The following SPACA9 variants were observed in gnomAD, a reference collection of about 807,000 sequenced individuals.
SPACA9 encodes the protein sperm acrosome associated 9.
A neutral mutation model predicts 12.5 loss-of-function variants in SPACA9; 14 were observed. That is an observed-to-expected ratio of 1.12 (90% CI 0.74 to 1.75). The LOEUF (loss-of-function observed/expected upper bound fraction) is 1.75. Ranked by LOEUF, SPACA9 falls within the 40% of genes most tolerant of loss-of-function variation. SPACA9 has a pLI of 0.00. For missense variants in SPACA9, 292 were observed against 291.9 expected, an observed-to-expected ratio of 1.00 and a Z score of 0.00; for synonymous variants, 111 against 114.1, an observed-to-expected ratio of 0.97 and a Z score of 0.17.
chr9:132,885,813 C>T (rs1844549079), intron 2 of SPACA9, among the ~76,000 whole-genome samples: 1 of 152,196 alleles, frequency 6.6e-6, no homozygotes, highest in South Asian at 2.1e-4. Context: ...TTAGGTTCAG[C>T]CGAAGGCTCT....
chr9:132,885,826 G>A (rs1009788785), intron 2 of SPACA9, among the ~76,000 whole-genome samples: 2 of 152,186 alleles, frequency 1.3e-5, no homozygotes, highest in African/African-American at 2.4e-5. Flanking sequence ...AAGGCTCTTG[G>A]TAAACAGTGG....
Position 132,889,911 on chromosome 9 carries a change from G to A in SPACA9, c.*1300G>A. On this transcript the variant is annotated 3_prime_UTR_variant, in exon 4 of 4. Coordinates refer to ENST00000356311, the MANE Select transcript of SPACA9 (RefSeq NM_001316897.2). ...ATTGTAAAATGTGTCCCTGGCTTCT[G>A]AGCTTGCCCAAAGTAATGTCTGACT... 3 of 1,455,522 alleles carry A rather than the reference G, an allele frequency of 2.1e-6. No individual in the cohort carries two copies. The highest frequency in any genetic ancestry group is 1.8e-6 in the Non-Finnish European group (2 of 1,093,902). 90.2% of individuals were successfully genotyped at this position (1,455,522 alleles called of 1,614,324 possible).
rs1844611037 is a variant in SPACA9 at position 132,887,781 on chromosome 9, C to T, written c.347+210C>T. On this transcript the variant is annotated intron_variant, in intron 3 of 3. Coordinates refer to ENST00000356311, the MANE Select transcript of SPACA9 (RefSeq NM_001316897.2). This position sits in a 1 kb window ranked among gnomAD's most constrained non-coding sequence, Gnocchi z 5.4. ...AGACATGGCAGGACACCAGGTGTCT[C>T]ACGGGTGTTAGCACCAGGCAGGTGG... is the stretch of plus-strand genomic sequence containing the variant. Among the ~76,000 whole-genome samples, 1 of 152,178 alleles carries T rather than the reference C, an allele frequency of 6.6e-6. No individual in the cohort carries two copies.
chr9:132,889,020 T>A lies in SPACA9; in HGVS notation c.*409T>A. 2.2e-6 allele frequency: 2 copies of A among 902,994 alleles called. No homozygotes were observed. The highest frequency in any genetic ancestry group is 2.7e-6 in the Non-Finnish European group (2 of 748,400). 55.9% of individuals were successfully genotyped at this position (902,994 alleles called of 1,614,324 possible). On this transcript the variant is annotated 3_prime_UTR_variant, in exon 4 of 4. Coordinates refer to ENST00000356311, the MANE Select transcript of SPACA9 (RefSeq NM_001316897.2). ...CTGACCTCATGATCTACCCTCGTGA[T>A]CGGCCTCCCAAAGTGCTGGGATTAC...
At chr9:132,881,680 G>A (rs1034309723) in intron 1 of SPACA9, among the ~76,000 whole-genome samples, 7 of 125,426 alleles carry the variant, frequency 5.6e-5, no homozygotes, top group African/African-American at 2.1e-4. Context: ...TTTTTTTTTT[G>A]AGACAGGGTC....
chr9:132,881,951 A>G (rs375950104), intron 1 of SPACA9, among the ~76,000 whole-genome samples: 1 of 152,176 alleles, frequency 6.6e-6, no homozygotes, highest in South Asian at 2.1e-4. Flanking sequence ...ACAACAGGAA[A>G]CCACTGTGCG....
intron 1 of SPACA9, among the ~76,000 whole-genome samples, chr9:132,880,998 G>A (rs182211148): frequency 4.6e-5 from 7 of 151,846 alleles, no homozygotes; most frequent in Admixed American, 3.9e-4. Context: ...AACTTTTTTT[G>A]TATTTTTATT....
rs1389291842 is a variant in SPACA9, at chr9:132,887,083, G to T, written c.145-286G>T. Among the ~76,000 whole-genome samples, 1 of 151,884 alleles carries T rather than the reference G, an allele frequency of 6.6e-6. No individual in the cohort carries two copies. The highest frequency in any genetic ancestry group is 1.9e-4 in the East Asian group (1 of 5,164). ...CCCACCTCAGCCTCCCAAAGTGCGG[G>T]GATTACACGTGTGAGCCACTGTGCC... On this transcript the variant is annotated intron_variant, in intron 2 of 3. Transcript: ENST00000356311. The surrounding 1 kb of genome is among the most constrained non-coding windows in gnomAD (Gnocchi z 5.4).
intron 2 of SPACA9, among the ~76,000 whole-genome samples, chr9:132,885,715 T>G (rs111666060): frequency 6.6e-6 from 1 of 152,100 alleles, no homozygotes; most frequent in African/African-American, 2.4e-5. Context: ...CCTACATCCT[T>G]TTTAGTCCAT....
At chr9:132,886,503 C>T (rs926804088) in intron 2 of SPACA9, among the ~76,000 whole-genome samples, 2 of 152,174 alleles carry the variant, frequency 1.3e-5, no homozygotes, top group African/African-American at 4.8e-5. Flanking sequence ...GGGCAGCCCC[C>T]TTTTGCTTTA....
chr9:132,883,920 C>T lies in SPACA9; in HGVS notation c.-28C>T. Reference sequence around the variant, plus strand: ...CTCTGTCTCCCCATAGATTCCTCTTCTCCTGTAAATGACCACAGAGGAAGA... The same window carrying T: ...CTCTGTCTCCCCATAGATTCCTCTTTTCCTGTAAATGACCACAGAGGAAGA... On this transcript the variant is annotated 5_prime_UTR_variant, in exon 2 of 4. Coordinates refer to ENST00000356311, the MANE Select transcript of SPACA9 (RefSeq NM_001316897.2). 6.2e-7 allele frequency: 1 copy of T among 1,612,654 alleles called. No homozygotes were observed. The highest frequency in any genetic ancestry group is 2.2e-5 in the East Asian group (1 of 44,862).
intron 2 of SPACA9, among the ~76,000 whole-genome samples, chr9:132,885,223 A>T (rs2131489230): frequency 6.6e-6 from 1 of 151,762 alleles, no homozygotes; most frequent in Admixed American, 6.6e-5. Context: ...AAAAAATGTT[A>T]AATATAGAGG....
Position 132,888,775 on chromosome 9 carries a change from C to G in SPACA9, c.*164C>G. The G allele has an allele frequency of 7.9e-7, 1 of 1,269,854 alleles. No individual in the cohort carries two copies. The highest frequency in any genetic ancestry group is 1.5e-5 in the African/African-American group (1 of 65,470). The allele number at this position is 1,269,854 out of a possible 1,614,324, so 78.7% of individuals were successfully genotyped here. ...CCTCTCTCTCTTCTTGCTTTAACTTCTTTTTTTTTTGAGACGGAGTCTCGC... is the reference window on the plus strand; with the variant it reads ...CCTCTCTCTCTTCTTGCTTTAACTTGTTTTTTTTTTGAGACGGAGTCTCGC... On this transcript the variant is annotated 3_prime_UTR_variant, in exon 4 of 4. Coordinates refer to ENST00000356311, the MANE Select transcript of SPACA9 (RefSeq NM_001316897.2). This position sits in a 1 kb window ranked among gnomAD's most constrained non-coding sequence, Gnocchi z 5.0.
chr9:132,879,927 A>G (rs1376376298), intron 1 of SPACA9, among the ~76,000 whole-genome samples: 1 of 152,204 alleles, frequency 6.6e-6, no homozygotes, highest in African/African-American at 2.4e-5. Context: ...GCCCAGAGAC[A>G]TGCCCTCCCA....
intron 1 of SPACA9, among the ~76,000 whole-genome samples, chr9:132,881,217 G>A (rs1188655182): frequency 6.8e-6 from 1 of 148,124 alleles, no homozygotes; most frequent in Non-Finnish European, 1.5e-5. Context: ...CTGGAGCCCA[G>A]GAGTTCGAGA....
rs533782369 is a variant in SPACA9 at position 132,889,796 on chromosome 9, G to A, written c.*1185G>A. 5 of 1,317,976 alleles carry A rather than the reference G, an allele frequency of 3.8e-6. No homozygotes were observed. The African/African-American group carries it at 6.0e-5, about 16-fold the overall frequency. The allele number at this position is 1,317,976 out of a possible 1,614,324, so 81.6% of individuals were successfully genotyped here. A position where few individuals can be genotyped will look rare whatever the true frequency, so the allele number is the denominator to read the frequency against. On this transcript the variant is annotated 3_prime_UTR_variant, in exon 4 of 4. Coordinates refer to ENST00000356311, the MANE Select transcript of SPACA9 (RefSeq NM_001316897.2). ...CTTTCCTTCGCCTTTACTTGGGAGA[G>A]GGAGACCATGACAGAAGCCAGAATT...
At chr9:132,879,508 G>A (rs1308125533) in intron 1 of SPACA9, among the ~76,000 whole-genome samples, 4 of 152,206 alleles carry the variant, frequency 2.6e-5, no homozygotes, top group African/African-American at 9.7e-5. Flanking sequence ...AGGAGCTAAT[G>A]TATTGGAGAG....
In SPACA9 at chr9:132,886,969, G is replaced by A. The variant is rs1157442100; in HGVS notation, c.145-400G>A. ...TGGGATTACAGGCACGTGCCACCAC[G>A]CCTGGCTAATTTTTTTTTTCCTAGT... On this transcript the variant is annotated intron_variant, in intron 2 of 3. Transcript: ENST00000356311. 7.2e-5 allele frequency among the ~76,000 whole-genome samples: 11 copies of A among 151,844 alleles called. No individual in the cohort carries two copies. In the East Asian group the frequency reaches 1.4e-3, roughly 19 times the overall value.
downstream of SPACA9, chr9:132,890,132 G>C: frequency 1.3e-6 from 1 of 748,938 alleles, no homozygotes. Flanking sequence ...GCAGACAGCA[G>C]AGAGAGAGGC....
Sources: allele counts gnomAD v4.1 joint callset (sites outside exome capture counted in the v4.1 genomes callset), GRCh38; gene constraint gnomAD v4.1.1; non-coding constraint Gnocchi (gnomAD v3.1); transcripts MANE v1.5; gene names NCBI Gene and HGNC (gene_info 2026-07-23, HGNC 2026-07-21).